The following NT5C2 variants were observed in gnomAD, a reference collection of about 807,000 sequenced individuals.
The protein encoded by NT5C2 is cytosolic purine 5'-nucleotidase.
NT5C2 carries 58 observed loss-of-function variants against 76.1 expected under a neutral mutation model. The ratio of observed to expected loss-of-function variants is 0.76; its 90% confidence interval spans 0.62 to 0.95. NT5C2 has a LOEUF of 0.95. NT5C2 is among the 40% of genes least tolerant of loss of function. NT5C2 has a pLI of 0.00. For synonymous variants in NT5C2, 229 were observed against 237.4 expected (o/e 0.96, Z 0.32); for missense variants, 478 against 690.3 (o/e 0.69, Z 3.45).
intron 3 of NT5C2, among the ~76,000 whole-genome samples, chr10:103,155,149 T>G (rs1405936512): frequency 6.6e-6 from 1 of 152,180 alleles, no homozygotes; most frequent in Non-Finnish European, 1.5e-5. Context: ...AAAGATAAAC[T>G]TGGAAGTCCT....
chr10:103,091,103 CG>C, intron 16 of NT5C2, 107 bp from the exon 17 acceptor site: 1 of 924,836 alleles, frequency 1.1e-6, no homozygotes, highest in East Asian at 2.6e-5. Context: ...GGTGTGATCG[CG>C]GCTCACTGCA....
chr10:103,094,064 A>G (rs2067559526), intron 13 of NT5C2, 26 bp from the exon 14 acceptor site: 1 of 1,575,214 alleles, frequency 6.3e-7, no homozygotes, highest in South Asian at 1.1e-5. Flanking sequence ...GGATTTTGTA[A>G]TACTTTATCA....
At chr10:103,092,945 C>T (rs2067290361) in intron 15 of NT5C2, among the ~76,000 whole-genome samples, 194 bp downstream of exon 15, 1 of 152,122 alleles carries the variant, frequency 6.6e-6, no homozygotes, top group Non-Finnish European at 1.5e-5. Flanking sequence ...ACAAGATAAC[C>T]TCTCATATTT....
chr10:103,189,630 A>G (rs2092450556), intron 1 of NT5C2, among the ~76,000 whole-genome samples: 1 of 151,824 alleles, frequency 6.6e-6, no homozygotes, highest in East Asian at 1.9e-4. Flanking sequence ...AAAAAAAACA[A>G]AGATTAAGAC....
intron 12 of NT5C2, 59 bp from the exon 13 acceptor site, chr10:103,094,514 T>A: frequency 1.2e-6 from 1 of 849,398 alleles, no homozygotes; most frequent in Admixed American, 1.9e-5. Flanking sequence ...GGCATTACTA[T>A]TTAATCTCAC....
At chr10:103,186,446 G>T (rs1459982918) in intron 1 of NT5C2, among the ~76,000 whole-genome samples, 1 of 152,202 alleles carries the variant, frequency 6.6e-6, no homozygotes, top group African/African-American at 2.4e-5. Flanking sequence ...ATCAGAGGCT[G>T]TAACAATTTC....
Position 103,130,567 on chromosome 10 carries a change from A to T in NT5C2, c.175+8839T>A, listed in dbSNP as rs1433524087. ...AATTATCAATAAAAAAATAAATTTA[A>T]AAAAAAAATAAAAATTAAAAAAAAA... On this transcript the variant is annotated intron_variant, in intron 4 of 18. Transcript: ENST00000404739. Among the ~76,000 whole-genome samples the T allele has an allele frequency of 1.0e-3, 110 of 104,960 alleles. 1 individual carries two copies. The highest frequency in any genetic ancestry group is 3.9e-3 in the African/African-American group (107 of 27,660). The allele number at this position is 104,960 out of a possible 152,430, so 68.9% of individuals were successfully genotyped here.
intron 4 of NT5C2, among the ~76,000 whole-genome samples, chr10:103,135,933 A>G (rs1379084138): frequency 6.6e-6 from 1 of 150,668 alleles, no homozygotes; most frequent in Non-Finnish European, 1.5e-5. Flanking sequence ...AAAAATACAA[A>G]AAACTTAGCT....
intron 3 of NT5C2, among the ~76,000 whole-genome samples, chr10:103,164,307 G>A (rs1414607496): frequency 6.6e-6 from 1 of 152,052 alleles, no homozygotes; most frequent in Non-Finnish European, 1.5e-5. Flanking sequence ...CGCCAGGCTG[G>A]AGTGCACTGG....
chr10:103,134,939 CTGTAGCCCCTTTGTTT>C, intron 4 of NT5C2, among the ~76,000 whole-genome samples: 1 of 152,316 alleles, frequency 6.6e-6, no homozygotes, highest in South Asian at 2.1e-4. Context: ...TGCATGGGGC[CTGTAGCCCCTTTGTTT>C]TGGCCAATTT....
intron 3 of NT5C2, among the ~76,000 whole-genome samples, chr10:103,164,085 AAAAT>A (rs2085698176): frequency 6.6e-6 from 1 of 151,996 alleles, no homozygotes; most frequent in Non-Finnish European, 1.5e-5. Flanking sequence ...CGAAAAATAA[AAAAT>A]AAAAAAATAG....
chr10:103,143,239 T>C (rs555477591), intron 3 of NT5C2, among the ~76,000 whole-genome samples: 173 of 152,064 alleles, frequency 1.1e-3, no homozygotes, highest in Non-Finnish European at 2.2e-3. Context: ...CACAATCACC[T>C]GAGTAACTTG....
chr10:103,173,039 G>A (rs1281471910), intron 3 of NT5C2, among the ~76,000 whole-genome samples: 1 of 151,972 alleles, frequency 6.6e-6, no homozygotes, highest in African/African-American at 2.4e-5. Context: ...TGTAGAGTTG[G>A]GGTCTCATCA....
intron 1 of NT5C2, among the ~76,000 whole-genome samples, chr10:103,184,992 G>C (rs2091829855): frequency 7.5e-6 from 1 of 132,648 alleles, no homozygotes; most frequent in African/African-American, 2.7e-5. Context: ...CTAAACTTTT[G>C]AAAATATACA....
chr10:103,188,452 A>G (rs2092308435), intron 1 of NT5C2, among the ~76,000 whole-genome samples: 1 of 152,242 alleles, frequency 6.6e-6, no homozygotes, highest in African/African-American at 2.4e-5. Flanking sequence ...TACAATTTAC[A>G]GAAGAATATA....
At chr10:103,092,990 ATTCTATGGG>A in intron 15 of NT5C2, 140 bp downstream of exon 15, 2 of 523,028 alleles carry the variant, frequency 3.8e-6, no homozygotes, top group Admixed American at 8.0e-5. Context: ...ATATCTGAAT[ATTCTATGGG>A]AAGGAAGTAT....
intron 4 of NT5C2, among the ~76,000 whole-genome samples, chr10:103,115,243 TA>T: frequency 6.6e-6 from 1 of 152,148 alleles, no homozygotes; most frequent in Non-Finnish European, 1.5e-5. Context: ...TCTACTAAAA[TA>T]CAAAAAAATT....
At chr10:103,150,395 T>C (rs543134945) in intron 3 of NT5C2, among the ~76,000 whole-genome samples, 41 of 152,282 alleles carry the variant, frequency 2.7e-4, no homozygotes, top group African/African-American at 9.9e-4. Flanking sequence ...TTTCATTGTA[T>C]GGATATACCA....
chr10:103,167,626 TC>T (rs1293251354), intron 3 of NT5C2, among the ~76,000 whole-genome samples: 1 of 151,932 alleles, frequency 6.6e-6, no homozygotes, highest in African/African-American at 2.4e-5. Context: ...AATAAAGATT[TC>T]CCCTTTTTTT....
Sources: allele counts gnomAD v4.1 joint callset (sites outside exome capture counted in the v4.1 genomes callset), GRCh38; gene constraint gnomAD v4.1.1; transcripts MANE v1.5; gene names NCBI Gene and HGNC (gene_info 2026-07-23, HGNC 2026-07-21).